The following FBXW4 variants were observed in gnomAD, a reference collection of about 807,000 sequenced individuals.
FBXW4 encodes the protein F-box/WD repeat-containing protein 4.
Under a neutral mutation model 61.8 loss-of-function variants are expected in FBXW4, and 40 were observed. The ratio of observed to expected loss-of-function variants is 0.65; its 90% CI spans 0.50 to 0.84. The LOEUF is 0.84. FBXW4 is among the 40% of genes least tolerant of loss of function. FBXW4 has a pLI of 0.00. For synonymous variants in FBXW4, 311 were observed against 313.8 expected (o/e 0.99, Z 0.10); for missense variants, 672 against 753.8 (o/e 0.89, Z 1.27).
chr10:101,631,815 G>C (rs2063960307), intron 5 of FBXW4, among the ~76,000 whole-genome samples: 1 of 152,230 alleles, frequency 6.6e-6, no homozygotes, highest in East Asian at 1.9e-4. Flanking sequence ...TTTTAGTAGA[G>C]ATGGGGTTTC....
At chr10:101,655,914 A>G (rs1193935438) in intron 5 of FBXW4, among the ~76,000 whole-genome samples, 4 of 152,214 alleles carry the variant, frequency 2.6e-5, no homozygotes, top group Admixed American at 1.3e-4. Flanking sequence ...CCAGGGCAAG[A>G]ATCAAGCTAA....
At chr10:101,672,774 A>T in intron 4 of FBXW4, 141 bp downstream of exon 4, 1 of 947,610 alleles carries the variant, frequency 1.1e-6, no homozygotes, top group Non-Finnish European at 1.5e-6. Flanking sequence ...TGCCAGAGGC[A>T]CATAAGTGAG....
Position 101,647,911 on chromosome 10 carries a change from T to C in FBXW4, c.1235+19975A>G, listed in dbSNP as rs79084338. ...CCAACTTCCCATCCCACCCCCAATA[T>C]TCTGCTATCCCTCTGTGGAAAAGCC... On this transcript the variant is annotated intron_variant, in intron 5 of 8. Coordinates refer to ENST00000331272, the MANE Select transcript of FBXW4 (RefSeq NM_022039.4). Among the ~76,000 whole-genome samples, 948 of 152,256 alleles carry C rather than the reference T, an allele frequency of 6.2e-3. 7 individuals carry two copies. Among genetic ancestry groups the C allele is most frequent in the Middle Eastern group, 0.027 (8 of 294 alleles).
intron 5 of FBXW4, among the ~76,000 whole-genome samples, 171 bp downstream of exon 5, chr10:101,667,715 T>C (rs941195644): frequency 7.2e-5 from 11 of 152,194 alleles, no homozygotes; most frequent in East Asian, 5.8e-4. Context: ...ATCCCACGCA[T>C]ATATGAAGTG....
At chr10:101,666,244 G>C (rs1341647147) in intron 5 of FBXW4, among the ~76,000 whole-genome samples, 2 of 152,072 alleles carry the variant, frequency 1.3e-5, no homozygotes, top group African/African-American at 4.8e-5. Flanking sequence ...ACAGCGACAG[G>C]TTTATAGGTT....
At chr10:101,631,990 G>A (rs2063962624) in intron 5 of FBXW4, among the ~76,000 whole-genome samples, 1 of 152,156 alleles carries the variant, frequency 6.6e-6, no homozygotes, top group South Asian at 2.1e-4. Context: ...AGGGCCAAGG[G>A]CAGGCAGACC....
intron 5 of FBXW4, among the ~76,000 whole-genome samples, chr10:101,657,821 T>C (rs76794469): frequency 0.089 from 13,502 of 152,134 alleles, 696 homozygotes; most frequent in African/African-American, 0.14. Flanking sequence ...TATTCTTTAT[T>C]GTCATCATGT....
intron 6 of FBXW4, among the ~76,000 whole-genome samples, chr10:101,624,091 GACACACACACAC>G (rs35664019): frequency 6.8e-6 from 1 of 147,706 alleles, no homozygotes; most frequent in Non-Finnish European, 1.5e-5. Flanking sequence ...GACACAGACA[GACACACACACAC>G]ACACACACAC....
chr10:101,645,005 T>C (rs1183336534), intron 5 of FBXW4, among the ~76,000 whole-genome samples: 1 of 152,172 alleles, frequency 6.6e-6, no homozygotes, highest in Non-Finnish European at 1.5e-5. Context: ...ACTTTTTGCC[T>C]GTTTGCTCGG....
intron 5 of FBXW4, among the ~76,000 whole-genome samples, chr10:101,662,678 T>G (rs920358940): frequency 6.6e-6 from 1 of 152,120 alleles, no homozygotes; most frequent in Non-Finnish European, 1.5e-5. Flanking sequence ...TAAGCACCTT[T>G]TTTTTCTTGG....
intron 4 of FBXW4, 133 bp from the exon 5 acceptor site, chr10:101,668,113 GTA>G: frequency 8.8e-6 from 6 of 684,304 alleles, no homozygotes; most frequent in Non-Finnish European, 1.3e-5. Flanking sequence ...CAGAGCTCAG[GTA>G]TCAGCAGAGG....
intron 5 of FBXW4, among the ~76,000 whole-genome samples, chr10:101,662,684 C>T (rs1473414947): frequency 2.6e-5 from 4 of 151,794 alleles, no homozygotes; most frequent in Admixed American, 2.6e-4. Flanking sequence ...CCTTTTTTTT[C>T]TTGGAGGGCA....
Position 101,695,006 on chromosome 10 carries a change from C to T in FBXW4, c.100G>A (p.Gly34Arg). ...RKLQEGRVAR[G>R]KRRKGKGKGK... ...TTCCCCTTCCCCTTCCTTCGCTTCC[C>T]CCTCGCCACCCTCCCTTCCTGCAGC... is the stretch of plus-strand genomic sequence containing the variant. Residue 34 changes from glycine to arginine, a missense_variant, in exon 1 of 9, where the codon GGG becomes AGG. By Grantham distance (125) the Gly-to-Arg change is moderately radical. Coordinates refer to ENST00000331272, the MANE Select transcript of FBXW4 (RefSeq NM_022039.4). This position sits in a 1 kb window ranked among gnomAD's most constrained non-coding sequence, Gnocchi z 4.2. The T allele has an allele frequency of 2.7e-6, 3 of 1,093,318 alleles. No individual in the cohort carries two copies. The highest frequency in any genetic ancestry group is 3.3e-6 in the Non-Finnish European group (3 of 898,616). 67.7% of individuals were successfully genotyped at this position (1,093,318 alleles called of 1,614,324 possible). A position where few individuals can be genotyped will look rare whatever the true frequency, so the allele number is the denominator to read the frequency against.
At chr10:101,674,303 T>C (rs1309326301) in intron 2 of FBXW4, among the ~76,000 whole-genome samples, 1 of 145,724 alleles carries the variant, frequency 6.9e-6, no homozygotes, top group East Asian at 2.0e-4. Flanking sequence ...CACTCCAGCC[T>C]GGGCGACAGA....
chr10:101,671,231 AG>A (rs966618858), intron 4 of FBXW4, among the ~76,000 whole-genome samples: 10 of 152,230 alleles, frequency 6.6e-5, no homozygotes, highest in African/African-American at 2.4e-4. Flanking sequence ...CCGGAAAGCC[AG>A]GAAAGAAGAG....
chr10:101,647,639 G>GT (rs1389821247), intron 5 of FBXW4, among the ~76,000 whole-genome samples: 1 of 152,190 alleles, frequency 6.6e-6, no homozygotes, highest in Non-Finnish European at 1.5e-5. Context: ...TGACCAAAAA[G>GT]TCATTTCATT....
intron 6 of FBXW4, among the ~76,000 whole-genome samples, chr10:101,620,928 C>T (rs981801152): frequency 7.2e-5 from 11 of 152,052 alleles, no homozygotes; most frequent in African/African-American, 2.2e-4. Context: ...AAATCTGTAC[C>T]GAAGAGTACC....
In FBXW4 at chr10:101,694,926, G is replaced by A. The variant is rs1198733822; in HGVS notation, c.180C>T (p.Pro60=). Residue 60 remains proline, a synonymous_variant, in exon 1 of 9, where the codon CCC becomes CCT. Coordinates refer to ENST00000331272, the MANE Select transcript of FBXW4 (RefSeq NM_022039.4). The surrounding 1 kb of genome is among the most constrained non-coding windows in gnomAD (Gnocchi z 6.0). ...CTGCCTCCTTCGCCGTCTGCGGCCCGGGCTTCCCTTCCGCCCCGCTTCCTC... is the reference window on the plus strand; with the variant it reads ...CTGCCTCCTTCGCCGTCTGCGGCCCAGGCTTCCCTTCCGCCCCGCTTCCTC... ...GGRGSGAEGK[P]GPQTAKEAAG... The A allele has an allele frequency of 9.7e-6, 12 of 1,239,000 alleles. No individual in the cohort carries two copies. The highest frequency in any genetic ancestry group is 1.2e-5 in the Non-Finnish European group (12 of 992,120). 76.8% of individuals were successfully genotyped at this position (1,239,000 alleles called of 1,614,324 possible). A position where few individuals can be genotyped will look rare whatever the true frequency, so the allele number is the denominator to read the frequency against.
chr10:101,651,213 G>T (rs996738159), intron 5 of FBXW4, among the ~76,000 whole-genome samples: 1 of 152,120 alleles, frequency 6.6e-6, no homozygotes, highest in Non-Finnish European at 1.5e-5. Flanking sequence ...CTCTGTGAGC[G>T]GTGGGAAGGG....
Sources: allele counts gnomAD v4.1 joint callset (sites outside exome capture counted in the v4.1 genomes callset), GRCh38; gene constraint gnomAD v4.1.1; non-coding constraint Gnocchi (gnomAD v3.1); transcripts MANE v1.5; gene names NCBI Gene and HGNC (gene_info 2026-07-23, HGNC 2026-07-21).